The following ROBO2 variants were observed in gnomAD, a reference collection of about 807,000 sequenced individuals.
ROBO2 encodes roundabout guidance receptor 2, also known as roundabout homolog 2.
In ROBO2, 53 loss-of-function variants were observed where a neutral mutation model predicts 160.8. The observed-to-expected ratio is 0.33, with a 90% confidence interval of 0.26 to 0.41. The LOEUF (loss-of-function observed/expected upper bound fraction) is 0.41. ROBO2 is among the 10% of genes least tolerant of loss of function. ROBO2 has a pLI of 1.00. For missense variants in ROBO2, 1,577 were observed against 1,722.4 expected (o/e 0.92, Z 1.49); for synonymous variants, 664 against 611.7 (o/e 1.09, Z -1.26).
chr3:77,640,822 G>T (rs1398766320), intron 24 of ROBO2, among the ~76,000 whole-genome samples: 1 of 152,088 alleles, frequency 6.6e-6, no homozygotes, highest in Non-Finnish European at 1.5e-5. Context: ...ATTTCAGTGT[G>T]CATGTAATGT....
chr3:77,601,287 A>G (rs550242095), intron 19 of ROBO2, among the ~76,000 whole-genome samples: 48 of 152,294 alleles, frequency 3.2e-4, no homozygotes, highest in African/African-American at 1.1e-3. Flanking sequence ...AAAATGTACT[A>G]TATAATAATT....
chr3:76,514,313 C>T (rs889444170), intron 2 of ROBO2, among the ~76,000 whole-genome samples: 1 of 152,218 alleles, frequency 6.6e-6, no homozygotes, highest in Admixed American at 6.5e-5. Flanking sequence ...TCCCCTAGGG[C>T]CCACCCAGGC....
In ROBO2 at chr3:77,174,119, C is replaced by T. The variant is rs978161340; in HGVS notation, c.388+75779C>T. Among the ~76,000 whole-genome samples, 5 of 152,032 alleles carry T rather than the reference C, an allele frequency of 3.3e-5. No homozygotes were observed. In the East Asian group the frequency reaches 9.7e-4, roughly 29 times the overall value. ...TTTCTTCCCATGAGTACAATTCTAT[C>T]CCCCAGTTAGGTTGTGCAGATGAGG... On this transcript the variant is annotated intron_variant, in intron 2 of 25. Coordinates refer to ENST00000461745, the Ensembl canonical transcript of ROBO2.
intron 6 of ROBO2, among the ~76,000 whole-genome samples, chr3:77,526,185 A>C (rs1228695194): frequency 6.6e-6 from 1 of 151,624 alleles, no homozygotes. Flanking sequence ...CTTATTGCCT[A>C]TGGTCTGAAG....
intron 2 of ROBO2, among the ~76,000 whole-genome samples, chr3:75,981,017 C>T (rs929949358): frequency 4.0e-5 from 6 of 151,428 alleles, no homozygotes; most frequent in Non-Finnish European, 7.4e-5. Context: ...ATGGTTAATA[C>T]TTTTTATATA....
intron 13 of ROBO2, among the ~76,000 whole-genome samples, chr3:77,568,650 G>C (rs972505265): frequency 6.6e-6 from 1 of 151,998 alleles, no homozygotes; most frequent in Non-Finnish European, 1.5e-5. Context: ...CCTGTCTTCT[G>C]AATTTTCTAA....
intron 22 of ROBO2, among the ~76,000 whole-genome samples, chr3:77,618,491 C>CT (rs2094830348): frequency 6.6e-6 from 1 of 152,086 alleles, no homozygotes; most frequent in Admixed American, 6.5e-5. Context: ...GTTATTCAAT[C>CT]TTTCTATTTT....
chr3:76,555,358 GAGAAGAAGAAGAA>G lies in ROBO2; in HGVS notation c.110-542655_110-542643del, dbSNP rs1230559119. Among the ~76,000 whole-genome samples the G allele has an allele frequency of 2.9e-4, 17 of 57,982 alleles. 1 individual carries two copies. The highest frequency in any genetic ancestry group is 6.7e-4 in the African/African-American group (13 of 19,278). The allele number at this position is 57,982 out of a possible 152,430, so 38.0% of individuals were successfully genotyped here. Reference sequence around the variant, plus strand: ...AGGAAGAGGAGGAAGAGTAGGAAGAGAGAAGAAGAAGAAGAAGAAGAAGAAGAAGAAGAAGAAG... The same window carrying G: ...AGGAAGAGGAGGAAGAGTAGGAAGAGGAAGAAGAAGAAGAAGAAGAAGAAG... On this transcript the variant is annotated intron_variant, in intron 2 of 26. Coordinates refer to the ROBO2 transcript ENST00000487694.
chr3:76,345,591 T>C (rs1218496130), intron 2 of ROBO2, among the ~76,000 whole-genome samples: 1 of 151,932 alleles, frequency 6.6e-6, no homozygotes, highest in Non-Finnish European at 1.5e-5. Context: ...CTGATTTTTT[T>C]AACCATAAAA....
At chr3:76,735,771 AAAAAG>A (rs1456026141) in intron 2 of ROBO2, among the ~76,000 whole-genome samples, 1,184 of 43,152 alleles carry the variant, frequency 0.027, 84 homozygotes, top group African/African-American at 0.13. Context: ...AAAAAAAAAA[AAAAAG>A]AAAAAAAAAA....
chr3:77,355,127 C>A (rs7432408), intron 2 of ROBO2, among the ~76,000 whole-genome samples: 77 of 106,180 alleles, frequency 7.3e-4, no homozygotes, highest in African/African-American at 2.1e-3. Flanking sequence ...CCTCCCATCC[C>A]CATACCCTAG....
At chr3:76,278,182 C>T (rs1483214403) in intron 2 of ROBO2, among the ~76,000 whole-genome samples, 3 of 151,710 alleles carry the variant, frequency 2.0e-5, no homozygotes, top group African/African-American at 4.8e-5. Context: ...AGACTGAAAT[C>T]GAGTAGAATC....
intron 2 of ROBO2, among the ~76,000 whole-genome samples, chr3:76,603,351 AATATATAT>A (rs71104603): frequency 2.8e-3 from 75 of 26,368 alleles, no homozygotes; most frequent in East Asian, 9.6e-3. Flanking sequence ...AAAAAAAAAA[AATATATAT>A]ATATATATAT....
intron 2 of ROBO2, among the ~76,000 whole-genome samples, chr3:76,011,681 G>A (rs2107614101): frequency 6.6e-6 from 1 of 152,244 alleles, no homozygotes; most frequent in South Asian, 2.1e-4. Flanking sequence ...GGGGATAAAT[G>A]AATTTGGGAT....
chr3:77,193,953 G>A (rs2082100244), intron 2 of ROBO2, among the ~76,000 whole-genome samples: 1 of 151,782 alleles, frequency 6.6e-6, no homozygotes, highest in Admixed American at 6.6e-5. Context: ...TGAAAATCAG[G>A]AACTATATTT....
chr3:77,087,534 G>C (rs548664776), intron 1 of ROBO2, among the ~76,000 whole-genome samples: 2 of 152,204 alleles, frequency 1.3e-5, no homozygotes, highest in South Asian at 4.1e-4. Flanking sequence ...GAATATCCAG[G>C]TTAATACATT....
intron 6 of ROBO2, among the ~76,000 whole-genome samples, chr3:77,540,397 T>G (rs775763): frequency 6.6e-6 from 1 of 151,926 alleles, no homozygotes; most frequent in Non-Finnish European, 1.5e-5. Flanking sequence ...GGCATCTCAG[T>G]GTTTAAGAGT....
At chr3:75,949,159 C>T (rs984988661) in intron 2 of ROBO2, among the ~76,000 whole-genome samples, 3 of 152,044 alleles carry the variant, frequency 2.0e-5, no homozygotes, top group South Asian at 2.1e-4. Context: ...TATTGATATA[C>T]TTAATTTTGC....
intron 1 of ROBO2, among the ~76,000 whole-genome samples, chr3:77,041,613 G>A (rs1314627168): frequency 2.0e-5 from 3 of 152,182 alleles, no homozygotes; most frequent in Non-Finnish European, 4.4e-5. Flanking sequence ...TTCACAGGAT[G>A]TCAATTTCTT....
Sources: allele counts gnomAD v4.1 joint callset (sites outside exome capture counted in the v4.1 genomes callset), GRCh38; gene constraint gnomAD v4.1.1; transcripts MANE v1.5; gene names NCBI Gene and HGNC (gene_info 2026-07-23, HGNC 2026-07-21).